OPCML: variants seen among roughly 807,000 people sequenced by gnomAD.
The protein encoded by OPCML is opioid-binding protein/cell adhesion molecule.
A neutral mutation model predicts 37.8 loss-of-function variants in OPCML; 13 were observed. The ratio of observed to expected loss-of-function variants is 0.34; its 90% confidence interval spans 0.22 to 0.55. The LOEUF is 0.55. Ranked by LOEUF, OPCML falls within the 20% of genes least tolerant of loss-of-function variation. The probability of loss-of-function intolerance (pLI) is 0.91; values close to 1 mark genes in which losing one functional copy is unlikely to be tolerated. For synonymous variants in OPCML, 176 were observed against 168.8 expected (o/e 1.04, Z -0.33); for missense variants, 341 against 435.6 (o/e 0.78, Z 1.93).
At chr11:132,972,270 T>A (rs988158798) in intron 1 of OPCML, among the ~76,000 whole-genome samples, 1 of 152,172 alleles carries the variant, frequency 6.6e-6, no homozygotes, top group Non-Finnish European at 1.5e-5. Flanking sequence ...ATTCAACCTG[T>A]TTTGTCTACC....
At chr11:133,528,779 C>T (rs1372344066) in intron 1 of OPCML, among the ~76,000 whole-genome samples, 1 of 152,212 alleles carries the variant, frequency 6.6e-6, no homozygotes, top group African/African-American at 2.4e-5. Context: ...CATGAAGACA[C>T]AGCTCAATCC....
At chr11:132,750,089 C>A (rs1328493717) in intron 2 of OPCML, among the ~76,000 whole-genome samples, 1 of 152,044 alleles carries the variant, frequency 6.6e-6, no homozygotes, top group Non-Finnish European at 1.5e-5. Context: ...TGCCCCAACA[C>A]TTTGGCAAGC....
chr11:132,738,879 G>A (rs1474468018), intron 2 of OPCML, among the ~76,000 whole-genome samples: 1 of 152,176 alleles, frequency 6.6e-6, no homozygotes, highest in African/African-American at 2.4e-5. Context: ...AGAATGTCAA[G>A]AAGGGTTACT....
intron 1 of OPCML, among the ~76,000 whole-genome samples, chr11:133,028,229 G>T (rs1184106393): frequency 6.6e-6 from 1 of 151,564 alleles, no homozygotes; most frequent in Non-Finnish European, 1.5e-5. Context: ...TGTTTAAAAG[G>T]CACACATGTC....
At chr11:133,027,566 C>T (rs543770036) in intron 1 of OPCML, among the ~76,000 whole-genome samples, 50 of 138,028 alleles carry the variant, frequency 3.6e-4, no homozygotes, top group African/African-American at 8.1e-5. Context: ...GGGTATGTTA[C>T]GTGTGTGGTG....
At chr11:133,497,611 C>T (rs932528771) in intron 1 of OPCML, among the ~76,000 whole-genome samples, 1 of 152,092 alleles carries the variant, frequency 6.6e-6, no homozygotes, top group African/African-American at 2.4e-5. Flanking sequence ...CTCTTGTTAA[C>T]AGCATTTCTC....
chr11:132,714,255 C>A (rs1944383325), intron 2 of OPCML, among the ~76,000 whole-genome samples: 1 of 152,178 alleles, frequency 6.6e-6, no homozygotes, highest in Non-Finnish European at 1.5e-5. Context: ...CAAATAAAAA[C>A]ATTTGGAATT....
intron 1 of OPCML, among the ~76,000 whole-genome samples, chr11:133,186,266 G>A (rs771429133): frequency 7.2e-5 from 11 of 152,156 alleles, no homozygotes; most frequent in Non-Finnish European, 1.2e-4. Context: ...TTACACATCA[G>A]GGATACAATA....
intron 1 of OPCML, among the ~76,000 whole-genome samples, chr11:133,330,216 G>C (rs967038967): frequency 1.3e-5 from 2 of 152,164 alleles, no homozygotes; most frequent in African/African-American, 4.8e-5. Flanking sequence ...GGAGAAATAG[G>C]AACACTTTTA....
chr11:133,357,697 A>G (rs1424586611), intron 1 of OPCML, among the ~76,000 whole-genome samples: 1 of 152,094 alleles, frequency 6.6e-6, no homozygotes, highest in African/African-American at 2.4e-5. Flanking sequence ...CTGAGGAAGA[A>G]TTTTCCTCCT....
intron 2 of OPCML, among the ~76,000 whole-genome samples, chr11:132,754,541 A>G (rs1945968061): frequency 1.3e-5 from 2 of 152,084 alleles, no homozygotes. Flanking sequence ...CCAGTCTCAG[A>G]TACATCTTTA....
chr11:133,329,794 T>C lies in OPCML; in HGVS notation c.61+202470A>G, dbSNP rs577291728. 3.3e-5 allele frequency among the ~76,000 whole-genome samples: 5 copies of C among 152,244 alleles called. No individual in the cohort carries two copies. In the East Asian group the frequency reaches 5.8e-4, roughly 18 times the overall value. On this transcript the variant is annotated intron_variant, in intron 1 of 7. Coordinates refer to ENST00000524381, the MANE Select transcript of OPCML (RefSeq NM_001012393.5). ...TAGGCATGGGCAAGGACTTCATGTC[T>C]AAAACACCAAAAGCAATGGCAACAA...
chr11:133,502,658 G>A (rs1220318223), intron 1 of OPCML, among the ~76,000 whole-genome samples: 1 of 152,214 alleles, frequency 6.6e-6, no homozygotes, highest in Non-Finnish European at 1.5e-5. Context: ...AGGAATCTGA[G>A]AATGTTGTAG....
At chr11:133,140,748 G>GGAAGAAGAAGACAACAAA (rs1949772453) in intron 1 of OPCML, among the ~76,000 whole-genome samples, 1 of 62,074 alleles carries the variant, frequency 1.6e-5, no homozygotes, top group African/African-American at 4.3e-5. Flanking sequence ...ACGACGACGA[G>GGAAGAAGAAGACAACAAA]GAAGAAGAAG....
chr11:132,932,028 T>G (rs1188000982), intron 2 of OPCML, among the ~76,000 whole-genome samples: 3 of 152,150 alleles, frequency 2.0e-5, no homozygotes, highest in African/African-American at 7.2e-5. Context: ...TACAAAAGGA[T>G]GAATGCTATA....
chr11:132,541,049 A>AAAAT (rs2096355181), intron 3 of OPCML, among the ~76,000 whole-genome samples: 1 of 152,162 alleles, frequency 6.6e-6, no homozygotes, highest in Non-Finnish European at 1.5e-5. Flanking sequence ...TTTTCAAGTC[A>AAAAT]AAATAGACGT....
At chr11:132,909,366 G>A (rs769549109) in intron 2 of OPCML, among the ~76,000 whole-genome samples, 2 of 152,242 alleles carry the variant, frequency 1.3e-5, no homozygotes, top group Non-Finnish European at 2.9e-5. Context: ...TGTTCAGGTT[G>A]TGCGAACATT....
At chr11:133,437,107 C>T (rs1946250421) in intron 1 of OPCML, among the ~76,000 whole-genome samples, 5 of 152,090 alleles carry the variant, frequency 3.3e-5, no homozygotes, top group Admixed American at 1.3e-4. Flanking sequence ...CTAATTTATA[C>T]GACATCTTAT....
chr11:132,484,563 A>G (rs537044164), intron 4 of OPCML, among the ~76,000 whole-genome samples: 157 of 152,318 alleles, frequency 1.0e-3, no homozygotes, highest in Non-Finnish European at 7.3e-5. Flanking sequence ...CCATCCCATT[A>G]CTGGGTATAT....
Sources: gnomAD v4.1 joint callset for allele counts (sites outside exome capture counted in the v4.1 genomes callset) on GRCh38, gnomAD v4.1.1 for gene constraint, MANE v1.5 for transcripts, NCBI Gene and HGNC (gene_info 2026-07-23, HGNC 2026-07-21) for gene names.